UQCRB: variants seen among roughly 807,000 people sequenced by gnomAD.
UQCRB encodes the protein cytochrome b-c1 complex subunit 7.
In UQCRB, 12 loss-of-function variants were observed where a neutral mutation model predicts 19.8. That is an observed-to-expected ratio of 0.61 (90% CI 0.39 to 0.98). The LOEUF is 0.98. UQCRB is among the 50% of genes least tolerant of loss of function. UQCRB has a pLI of 0.00. For missense variants in UQCRB, 142 were observed against 131.8 expected, an observed-to-expected ratio of 1.08 and a Z score of -0.38; for synonymous variants, 39 against 42.9, an observed-to-expected ratio of 0.91 and a Z score of 0.35.
chr8:96,229,073 A>C lies in UQCRB; in HGVS notation c.*1982T>G, dbSNP rs1368457414. The stretch of plus-strand genomic sequence containing the variant: ...CTTCATAACAAGCAGGACGATAACC[A>C]TAATTTATAATGAACACAAAACATT... On this transcript the variant is annotated 3_prime_UTR_variant, in exon 4 of 4. Transcript: ENST00000287022. The C allele has an allele frequency of 2.2e-6, 1 of 453,986 alleles. No individual in the cohort carries two copies. Among genetic ancestry groups the C allele is most frequent in the Admixed American group, 2.4e-5 (1 of 42,552 alleles). The allele number at this position is 453,986 out of a possible 1,614,324, so 28.1% of individuals were successfully genotyped here.
At position 96,228,604 on chromosome 8, in the gene UQCRB, C is replaced by T; in HGVS notation, c.*2451G>A. 2.2e-6 allele frequency: 1 copy of T among 454,142 alleles called. No individual in the cohort carries two copies. The highest frequency in any genetic ancestry group is 4.4e-6 in the Non-Finnish European group (1 of 226,794). 28.1% of individuals were successfully genotyped at this position (454,142 alleles called of 1,614,324 possible). A position where few individuals can be genotyped will look rare whatever the true frequency, so the allele number is the denominator to read the frequency against. ...TTCTCGCTTCTCAGCACATAATTTA[C>T]ATTATGCATACTATATGCCAGAAAC... On this transcript the variant is annotated 3_prime_UTR_variant, in exon 4 of 4. Coordinates refer to ENST00000287022, the MANE Select transcript of UQCRB (RefSeq NM_006294.5).
chr8:96,234,850 A>G lies in UQCRB; in HGVS notation c.19+662T>C, dbSNP rs553270571. On this transcript the variant is annotated intron_variant, in intron 1 of 3. Transcript: ENST00000287022. ...GGGCAGAGATTAGCAAAAAAAAAAA[A>G]AAAGAAAGAAAAAAGAAAAAAAGAA... 30 of 193,842 alleles carry G rather than the reference A, an allele frequency of 1.5e-4. 1 individual carries two copies. Among genetic ancestry groups the G allele is most frequent in the East Asian group, 1.4e-3 (9 of 6,232 alleles). The allele number at this position is 193,842 out of a possible 1,614,324, so 12.0% of individuals were successfully genotyped here.
chr8:96,234,663 G>A (rs1809759042), intron 1 of UQCRB: 1 of 453,378 alleles, frequency 2.2e-6, no homozygotes, highest in Non-Finnish European at 4.0e-6. Context: ...GCTGGGGGCG[G>A]GGAGAAAAGG....
rs1214189750 is a variant in UQCRB at position 96,226,045 on chromosome 8, T to C, written c.*5010A>G. On this transcript the variant is annotated 3_prime_UTR_variant, in exon 4 of 4. Transcript: ENST00000287022. The stretch of plus-strand genomic sequence containing the variant: ...AGCCAGGATGCTGCTAAATATCCTG[T>C]AACACACAGAGGAGGCCCCCACAAC... 1 of 152,124 alleles carries C rather than the reference T, an allele frequency of 6.6e-6. No homozygotes were observed. The highest frequency in any genetic ancestry group is 1.5e-5 in the Non-Finnish European group (1 of 68,004). 9.4% of individuals were successfully genotyped at this position (152,124 alleles called of 1,614,324 possible). A position where few individuals can be genotyped will look rare whatever the true frequency, so the allele number is the denominator to read the frequency against.
rs750025488 is a variant in UQCRB at position 96,229,936 on chromosome 8, G to A, written c.*1119C>T. Reference sequence around the variant, plus strand: ...TTGTTATTTGAGGTAAGGCATTCCTGCCACACACAGCAATGACTTGTCCTG... The same window carrying A: ...TTGTTATTTGAGGTAAGGCATTCCTACCACACACAGCAATGACTTGTCCTG... On this transcript the variant is annotated 3_prime_UTR_variant, in exon 4 of 4. Transcript: ENST00000287022. 2.2e-6 allele frequency: 1 copy of A among 454,066 alleles called. No homozygotes were observed. Among genetic ancestry groups the A allele is most frequent in the Non-Finnish European group, 4.4e-6 (1 of 226,784 alleles). The allele number at this position is 454,066 out of a possible 1,614,324, so 28.1% of individuals were successfully genotyped here.
At position 96,229,192 on chromosome 8, in the gene UQCRB, G is replaced by C. The variant is rs1410278304; in HGVS notation, c.*1863C>G. On this transcript the variant is annotated 3_prime_UTR_variant, in exon 4 of 4. Transcript: ENST00000287022. ...GAATAGGCATACACTTTGGCTTTAG[G>C]AAGAACTCTTACAAAATCAGAGGTT... 1 of 454,094 alleles carries C rather than the reference G, an allele frequency of 2.2e-6. No individual in the cohort carries two copies. The highest frequency in any genetic ancestry group is 4.4e-6 in the Non-Finnish European group (1 of 226,784). The allele number at this position is 454,094 out of a possible 1,614,324, so 28.1% of individuals were successfully genotyped here. A position where few individuals can be genotyped will look rare whatever the true frequency, so the allele number is the denominator to read the frequency against.
In UQCRB at chr8:96,228,492, C is replaced by T. The variant is rs1445843277; in HGVS notation, c.*2563G>A. The T allele has an allele frequency of 2.2e-6, 1 of 453,962 alleles. No homozygotes were observed. Among genetic ancestry groups the T allele is most frequent in the Non-Finnish European group, 4.4e-6 (1 of 226,790 alleles). 28.1% of individuals were successfully genotyped at this position (453,962 alleles called of 1,614,324 possible). A position where few individuals can be genotyped will look rare whatever the true frequency, so the allele number is the denominator to read the frequency against. The stretch of plus-strand genomic sequence containing the variant: ...AGATGAACCAGAAACAAGAGTGCCA[C>T]ATAGAAGGAAGAGAGGAGACCTTGG... On this transcript the variant is annotated 3_prime_UTR_variant, in exon 4 of 4. Transcript: ENST00000287022.
In UQCRB at chr8:96,227,874, A is replaced by G. The variant is rs1262549796; in HGVS notation, c.*3181T>C. 1 of 454,018 alleles carries G rather than the reference A, an allele frequency of 2.2e-6. No homozygotes were observed. The highest frequency in any genetic ancestry group is 4.4e-6 in the Non-Finnish European group (1 of 226,794). The allele number at this position is 454,018 out of a possible 1,614,324, so 28.1% of individuals were successfully genotyped here. ...ATTTATTAAGATTCTAGAATTTAAAAACAGGAAAAGGTGCCATTAGTAAAA... is the reference window on the plus strand; with the variant it reads ...ATTTATTAAGATTCTAGAATTTAAAGACAGGAAAAGGTGCCATTAGTAAAA... On this transcript the variant is annotated 3_prime_UTR_variant, in exon 4 of 4. Coordinates refer to ENST00000287022, the MANE Select transcript of UQCRB (RefSeq NM_006294.5).
Position 96,226,970 on chromosome 8 carries a change from T to C in UQCRB, c.*4085A>G, listed in dbSNP as rs758441946. 1 of 454,102 alleles carries C rather than the reference T, an allele frequency of 2.2e-6. No homozygotes were observed. The highest frequency in any genetic ancestry group is 1.6e-5 in the South Asian group (1 of 64,454). The allele number at this position is 454,102 out of a possible 1,614,324, so 28.1% of individuals were successfully genotyped here. A position where few individuals can be genotyped will look rare whatever the true frequency, so the allele number is the denominator to read the frequency against. The stretch of plus-strand genomic sequence containing the variant: ...TTAGCAAAATATAACTTAGAGGCAC[T>C]ATCCGACCTGAGATCTCAGATTCTA... On this transcript the variant is annotated 3_prime_UTR_variant, in exon 4 of 4. Transcript: ENST00000287022.
intron 2 of UQCRB, chr8:96,232,750 A>G: frequency 5.7e-6 from 1 of 176,036 alleles, no homozygotes; most frequent in South Asian, 1.2e-4. Context: ...CAGGAGAATC[A>G]CTTGAACTCG....
rs1202474641 is a variant in UQCRB, at chr8:96,227,499, C to T, written c.*3556G>A. On this transcript the variant is annotated 3_prime_UTR_variant, in exon 4 of 4. Transcript: ENST00000287022. The stretch of plus-strand genomic sequence containing the variant: ...GCAACCTGTCTTACTCACTTTCTAA[C>T]CATCCCTCTCTGATACTGTCCCTCC... 1 of 454,004 alleles carries T rather than the reference C, an allele frequency of 2.2e-6. No homozygotes were observed. The highest frequency in any genetic ancestry group is 6.9e-5 in the East Asian group (1 of 14,406). The allele number at this position is 454,004 out of a possible 1,614,324, so 28.1% of individuals were successfully genotyped here.
chr8:96,232,898 GA>G, intron 2 of UQCRB: 1 of 384,152 alleles, frequency 2.6e-6, no homozygotes, highest in Non-Finnish European at 4.6e-6. Context: ...GGTGTAGAAG[GA>G]AAATGTCTTA....
At position 96,227,276 on chromosome 8, in the gene UQCRB, C is replaced by T. The variant is rs1012668802; in HGVS notation, c.*3779G>A. 1.1e-5 allele frequency: 5 copies of T among 453,922 alleles called. No homozygotes were observed. Among genetic ancestry groups the T allele is most frequent in the Non-Finnish European group, 2.2e-5 (5 of 226,784 alleles). The allele number at this position is 453,922 out of a possible 1,614,324, so 28.1% of individuals were successfully genotyped here. A position where few individuals can be genotyped will look rare whatever the true frequency, so the allele number is the denominator to read the frequency against. Reference sequence around the variant, plus strand: ...AGTATATAGCTTAGTAGTAAATTCTCCTGATGGCCATAAACCTCTAAGGTG... The same window carrying T: ...AGTATATAGCTTAGTAGTAAATTCTTCTGATGGCCATAAACCTCTAAGGTG... On this transcript the variant is annotated 3_prime_UTR_variant, in exon 4 of 4. Transcript: ENST00000287022.
At position 96,227,450 on chromosome 8, in the gene UQCRB, G is replaced by A. The variant is rs745338829; in HGVS notation, c.*3605C>T. The A allele has an allele frequency of 6.6e-6, 3 of 453,928 alleles. No individual in the cohort carries two copies. The highest frequency in any genetic ancestry group is 2.4e-5 in the Admixed American group (1 of 42,548). The allele number at this position is 453,928 out of a possible 1,614,324, so 28.1% of individuals were successfully genotyped here. A position where few individuals can be genotyped will look rare whatever the true frequency, so the allele number is the denominator to read the frequency against. Reference sequence around the variant, plus strand: ...GAATTTCATGCCTTGTTCTAATAAAGGGATTTTCCTTGTTTTCCAAAGAGC... The same window carrying A: ...GAATTTCATGCCTTGTTCTAATAAAAGGATTTTCCTTGTTTTCCAAAGAGC... On this transcript the variant is annotated 3_prime_UTR_variant, in exon 4 of 4. Coordinates refer to ENST00000287022, the MANE Select transcript of UQCRB (RefSeq NM_006294.5).
chr8:96,227,687 T>G lies in UQCRB; in HGVS notation c.*3368A>C, dbSNP rs769240748. The G allele has an allele frequency of 1.6e-4, 74 of 453,828 alleles. 4 individuals are homozygous for G. Among genetic ancestry groups the G allele is most frequent in the Middle Eastern group, 1.4e-3 (2 of 1,466 alleles). 28.1% of individuals were successfully genotyped at this position (453,828 alleles called of 1,614,324 possible). A position where few individuals can be genotyped will look rare whatever the true frequency, so the allele number is the denominator to read the frequency against. On this transcript the variant is annotated 3_prime_UTR_variant, in exon 4 of 4. Transcript: ENST00000287022. ...CACAGGATGCCCATATTTTTAAAACTCCATCCTATTTGTGAAGGATTATTA... is the reference window on the plus strand; with the variant it reads ...CACAGGATGCCCATATTTTTAAAACGCCATCCTATTTGTGAAGGATTATTA...
Position 96,231,892 on chromosome 8 carries a change from G to A in UQCRB, c.140C>T (p.Ala47Val). The A allele has an allele frequency of 6.2e-7, 1 of 1,613,868 alleles. No homozygotes were observed. The highest frequency in any genetic ancestry group is 1.1e-5 in the South Asian group (1 of 91,078). The change falls in exon 3 of 4, where the codon GCC becomes GTC. Residue 47 changes from alanine (A) to valine (V), a missense_variant. Physicochemically the swap from Ala to Val is moderately conservative, Grantham distance 64. Around this residue, in one of 2 missense-constraint regions of UQCRB, gnomAD observed 132 missense variants for 107.5 expected, o/e 1.23. Transcript: ENST00000287022. ...TIYEDEDVKE[A>V]IRRLPENLYN... ...AAGGTTCTCAGGAAGTCTTCTTATG[G>A]CTTCTTTTACATCTTCATCCTCGTA...
At chr8:96,231,459 T>C (rs1222472747) in intron 3 of UQCRB, 3 of 1,535,014 alleles carry the variant, frequency 2.0e-6, no homozygotes, top group Non-Finnish European at 2.6e-6. Flanking sequence ...GGACACTCAA[T>C]GGGCTGATCT....
chr8:96,227,479 C>T lies in UQCRB; in HGVS notation c.*3576G>A. On this transcript the variant is annotated 3_prime_UTR_variant, in exon 4 of 4. Transcript: ENST00000287022. ...TTTTCCTTGTTTTCCAAAGAGCAAC[C>T]TGTCTTACTCACTTTCTAACCATCC... 2.2e-6 allele frequency: 1 copy of T among 454,118 alleles called. No individual in the cohort carries two copies. The highest frequency in any genetic ancestry group is 4.4e-6 in the Non-Finnish European group (1 of 226,798). The allele number at this position is 454,118 out of a possible 1,614,324, so 28.1% of individuals were successfully genotyped here. A position where few individuals can be genotyped will look rare whatever the true frequency, so the allele number is the denominator to read the frequency against.
At position 96,227,981 on chromosome 8, in the gene UQCRB, T is replaced by C. The variant is rs1327322250; in HGVS notation, c.*3074A>G. Reference sequence around the variant, plus strand: ...ATGATAACTCAGTGCAGGAATGTTATCAAATATTTCCATGCAATCTGGAAC... The same window carrying C: ...ATGATAACTCAGTGCAGGAATGTTACCAAATATTTCCATGCAATCTGGAAC... On this transcript the variant is annotated 3_prime_UTR_variant, in exon 4 of 4. Coordinates refer to ENST00000287022, the MANE Select transcript of UQCRB (RefSeq NM_006294.5). The C allele has an allele frequency of 2.2e-6, 1 of 454,118 alleles. No individual in the cohort carries two copies. The highest frequency in any genetic ancestry group is 1.6e-5 in the South Asian group (1 of 64,482). 28.1% of individuals were successfully genotyped at this position (454,118 alleles called of 1,614,324 possible).
Sources: gnomAD v4.1 joint callset for allele counts on GRCh38, gnomAD v4.1.1 for gene constraint, gnomAD v4.1.1 regional missense constraint, MANE v1.5 for transcripts, NCBI Gene and HGNC (gene_info 2026-07-23, HGNC 2026-07-21) for gene names.